The following FAM184A variants were observed in gnomAD, a reference collection of about 807,000 sequenced individuals.
The protein encoded by FAM184A is family with sequence similarity 184 member A, also known as protein FAM184A.
Under a neutral mutation model 143.8 loss-of-function variants are expected in FAM184A, and 99 were observed. The observed-to-expected ratio is 0.69, with a 90% CI of 0.58 to 0.81. FAM184A has a LOEUF of 0.81. FAM184A is among the 40% of genes least tolerant of loss of function. The probability of loss-of-function intolerance (pLI) is 0.00; values close to 1 mark genes in which losing one functional copy is unlikely to be tolerated. For missense variants in FAM184A, 1,217 were observed against 1,310.5 expected, an observed-to-expected ratio of 0.93 and a Z score of 1.10; for synonymous variants, 427 against 446.4, an observed-to-expected ratio of 0.96 and a Z score of 0.55.
intron 1 of FAM184A, among the ~76,000 whole-genome samples, chr6:119,073,565 A>G (rs1787767885): frequency 6.6e-6 from 1 of 152,166 alleles, no homozygotes; most frequent in Admixed American, 6.5e-5. Flanking sequence ...TGGTGCTTCA[A>G]GAAGATTACA....
At chr6:119,066,668 C>G (rs192486345) in intron 1 of FAM184A, among the ~76,000 whole-genome samples, 1 of 152,294 alleles carries the variant, frequency 6.6e-6, no homozygotes, top group Admixed American at 6.5e-5. Flanking sequence ...GAGCTTGGCT[C>G]CAGATCAAAT....
intron 1 of FAM184A, among the ~76,000 whole-genome samples, chr6:119,052,575 G>A (rs2114749839): frequency 6.6e-6 from 1 of 152,274 alleles, no homozygotes; most frequent in South Asian, 2.1e-4. Context: ...ACCCTTGCTT[G>A]CAGCCTGCCG....
At chr6:119,129,551 T>C (rs538590524) in intron 1 of FAM184A, among the ~76,000 whole-genome samples, 18 of 152,264 alleles carry the variant, frequency 1.2e-4, no homozygotes, top group African/African-American at 4.3e-4. Context: ...GCGCATTTTA[T>C]TTCAGTCCAC....
rs981107734 is a variant in FAM184A at position 118,995,024 on chromosome 6, A to G, written c.2088+7875T>C. ...CAATAGAAAGGAATTCTCATTACTG[A>G]CAAAACCTGTGTCATTTAAAAAATT... On this transcript the variant is annotated intron_variant, in intron 9 of 17. Transcript: ENST00000338891. 3.9e-4 allele frequency among the ~76,000 whole-genome samples: 60 copies of G among 152,238 alleles called. 3 individuals are homozygous for G. The highest frequency in any genetic ancestry group is 4.4e-5 in the Non-Finnish European group (3 of 68,040).
At position 119,024,396 on chromosome 6, in the gene FAM184A, C is replaced by G; in HGVS notation, c.577G>C (p.Ala193Pro). ...AGCTCTTGTATCTCCCGTCTGTGAG[C>G]AGCTTGCAAGTCTTCCAATGCCAAT... ...KRLALEDLQA[A>P]HRREIQELLK... Residue 193 changes from alanine (A) to proline (P), a missense_variant, in exon 2 of 18, where the codon GCT becomes CCT. Physicochemically the swap from Ala to Pro is conservative, Grantham distance 27 (BLOSUM62 -1). Coordinates refer to ENST00000338891, the MANE Select transcript of FAM184A (RefSeq NM_024581.6). 6.2e-7 allele frequency: 1 copy of G among 1,614,188 alleles called. No individual in the cohort carries two copies. Among genetic ancestry groups the G allele is most frequent in the Non-Finnish European group, 8.5e-7 (1 of 1,180,038 alleles).
chr6:119,012,209 C>A (rs1785111305), intron 5 of FAM184A, among the ~76,000 whole-genome samples: 1 of 152,014 alleles, frequency 6.6e-6, no homozygotes, highest in Admixed American at 6.5e-5. Flanking sequence ...CACAAAGGGA[C>A]AAAGGAGCAC....
At chr6:119,010,313 C>A (rs1785051874) in intron 6 of FAM184A, among the ~76,000 whole-genome samples, 1 of 152,138 alleles carries the variant, frequency 6.6e-6, no homozygotes, top group African/African-American at 2.4e-5. Flanking sequence ...GCTGATAAAT[C>A]CCTTTCGAGG....
chr6:119,134,845 G>T (rs939692246), intron 1 of FAM184A, among the ~76,000 whole-genome samples: 2 of 152,082 alleles, frequency 1.3e-5, no homozygotes, highest in African/African-American at 4.8e-5. Context: ...ATTAAATCAT[G>T]TTGGCTCTCC....
At chr6:119,127,982 A>G (rs1789419001) in intron 1 of FAM184A, among the ~76,000 whole-genome samples, 1 of 152,214 alleles carries the variant, frequency 6.6e-6, no homozygotes, top group Non-Finnish European at 1.5e-5. Context: ...TGCTTGGCCC[A>G]GGAGATCCCA....
chr6:119,065,109 G>A (rs1441349231), intron 1 of FAM184A, among the ~76,000 whole-genome samples: 1 of 152,138 alleles, frequency 6.6e-6, no homozygotes, highest in African/African-American at 2.4e-5. Context: ...TCTTTCTGTA[G>A]TTATTTCCTA....
At chr6:119,128,565 T>G (rs1413464466) in intron 1 of FAM184A, among the ~76,000 whole-genome samples, 1 of 152,050 alleles carries the variant, frequency 6.6e-6, no homozygotes, top group Non-Finnish European at 1.5e-5. Context: ...AGAACATAAT[T>G]AGATAAACAT....
chr6:119,020,126 G>A lies in FAM184A; in HGVS notation c.1184C>T (p.Thr395Ile), dbSNP rs1270250153. The change falls in exon 4 of 18, where the codon ACC becomes ATC. Residue 395 changes from threonine (T) to isoleucine (I), a missense_variant. Thr to Ile is a moderately conservative substitution (Grantham distance 89). Coordinates refer to ENST00000338891, the MANE Select transcript of FAM184A (RefSeq NM_024581.6). ...TAAATCTTTAATTGTAACTTCCTGG[G>A]TCATTTGAGTTGCTTGAAGCATTCC... ...HIGMLQATQM[T>I]QEVTIKDLES... 5.0e-6 allele frequency: 8 copies of A among 1,598,594 alleles called. No homozygotes were observed. The highest frequency in any genetic ancestry group is 6.8e-6 in the Non-Finnish European group (8 of 1,175,176).
chr6:119,147,880 A>T (rs754870030), intron 1 of FAM184A, among the ~76,000 whole-genome samples: 2 of 152,180 alleles, frequency 1.3e-5, no homozygotes, highest in African/African-American at 2.4e-5. Context: ...ACAGCCTCCC[A>T]TCAGGGCACA....
chr6:119,060,461 A>G (rs1010138354), intron 1 of FAM184A, among the ~76,000 whole-genome samples: 1 of 152,278 alleles, frequency 6.6e-6, no homozygotes, highest in Non-Finnish European at 1.5e-5. Flanking sequence ...GAAAACAGAC[A>G]TGATGAACAG....
intron 1 of FAM184A, among the ~76,000 whole-genome samples, chr6:119,135,098 C>T (rs1789628588): frequency 6.6e-6 from 1 of 152,100 alleles, no homozygotes. Context: ...ATAAATAATA[C>T]ATAAATGGAT....
chr6:118,995,732 A>G (rs1784524950), intron 9 of FAM184A, among the ~76,000 whole-genome samples: 2 of 152,386 alleles, frequency 1.3e-5, no homozygotes, highest in South Asian at 4.1e-4. Flanking sequence ...GGTCTAACAT[A>G]ACTTCATAAT....
Position 118,970,008 on chromosome 6 carries a change from A to ATATAT in FAM184A, c.2916-3057_2916-3056insATATA. On this transcript the variant is annotated intron_variant, in intron 14 of 17. Transcript: ENST00000338891. Reference sequence around the variant, plus strand: ...ATATATATATAATATATATATATATATTTTTTTTTTTTTGAGATGGAGTTT... The same window carrying ATATAT: ...ATATATATATAATATATATATATATATATATTTTTTTTTTTTTTGAGATGGAGTTT... 1.6e-4 allele frequency among the ~76,000 whole-genome samples: 3 copies of ATATAT among 19,052 alleles called. 1 individual carries two copies. Among genetic ancestry groups the ATATAT allele is most frequent in the Non-Finnish European group, 2.3e-4 (2 of 8,882 alleles). The allele number at this position is 19,052 out of a possible 152,430, so 12.5% of individuals were successfully genotyped here. A position where few individuals can be genotyped will look rare whatever the true frequency, so the allele number is the denominator to read the frequency against.
At chr6:118,979,566 A>G in intron 10 of FAM184A, 48 bp from the exon 11 acceptor site, 1 of 1,409,620 alleles carries the variant, frequency 7.1e-7, no homozygotes, top group Non-Finnish European at 9.6e-7. Context: ...TAGGAAGGAA[A>G]ATGCAAACAA....
chr6:119,037,481 T>A (rs1786158016), intron 1 of FAM184A, among the ~76,000 whole-genome samples: 1 of 152,180 alleles, frequency 6.6e-6, no homozygotes, highest in Non-Finnish European at 1.5e-5. Context: ...AATAGTTCAT[T>A]GGTTTATTCT....
Sources: allele counts gnomAD v4.1 joint callset (sites outside exome capture counted in the v4.1 genomes callset), GRCh38; gene constraint gnomAD v4.1.1; transcripts MANE v1.5; gene names NCBI Gene and HGNC (gene_info 2026-07-23, HGNC 2026-07-21).